Variants in MESD observed in about 807,000 individuals in gnomAD.
MESD encodes the protein LRP chaperone MESD.
Under a neutral mutation model 12.9 loss-of-function variants are expected in MESD, and 7 were observed. The observed-to-expected ratio is 0.54, with a 90% CI of 0.31 to 1.02. The LOEUF is 1.02. Among genes scored for constraint, MESD ranks in the 50% least tolerant of loss-of-function variants. The probability of loss-of-function intolerance (pLI) is 0.05; values close to 1 mark genes in which losing one functional copy is unlikely to be tolerated. For missense variants in MESD, 342 were observed against 296.7 expected, an observed-to-expected ratio of 1.15 and a Z score of -1.12; for synonymous variants, 126 against 115.6, an observed-to-expected ratio of 1.09 and a Z score of -0.58.
intron 1 of MESD, among the ~76,000 whole-genome samples, chr15:80,983,880 A>G (rs1463796749): frequency 6.6e-6 from 1 of 151,084 alleles, no homozygotes; most frequent in Non-Finnish European, 1.5e-5. Flanking sequence ...TAAATTACTA[A>G]TAGAAAACAG....
chr15:80,951,888 A>C (rs1901845950), intron 4 of MESD: 1 of 186,878 alleles, frequency 5.4e-6, no homozygotes, highest in South Asian at 1.0e-4. Flanking sequence ...AAGGCTGATG[A>C]AATCACCCCA....
downstream of MESD, among the ~76,000 whole-genome samples, chr15:80,970,989 A>C: frequency 6.6e-6 from 1 of 152,316 alleles, no homozygotes; most frequent in Non-Finnish European, 1.5e-5. Flanking sequence ...TTAGATATCA[A>C]GGGTAAGAAG....
intron 3 of MESD, among the ~76,000 whole-genome samples, chr15:80,953,871 G>A (rs1209189584): frequency 6.6e-6 from 1 of 152,166 alleles, no homozygotes; most frequent in Non-Finnish European, 1.5e-5. Context: ...GGAAGCAGGC[G>A]TTTGGGAGAA....
chr15:80,970,475 ACTC>A (rs1321320130), intron 3 of MESD: 5 of 152,000 alleles, frequency 3.3e-5, no homozygotes. Flanking sequence ...TAAACTATCT[ACTC>A]CTCCACTGCA....
intron 3 of MESD, among the ~76,000 whole-genome samples, chr15:80,964,774 C>G (rs1902146626): frequency 6.6e-6 from 1 of 152,116 alleles, no homozygotes; most frequent in Non-Finnish European, 1.5e-5. Flanking sequence ...GAAACTGGAC[C>G]CCTTCCTTAC....
chr15:80,952,534 A>G (rs1901867180), intron 3 of MESD, among the ~76,000 whole-genome samples: 1 of 152,156 alleles, frequency 6.6e-6, no homozygotes, highest in Non-Finnish European at 1.5e-5. Context: ...AAACATTTCC[A>G]TCACCACAGA....
intron 1 of MESD, among the ~76,000 whole-genome samples, chr15:80,986,623 T>A (rs1011454482): frequency 3.9e-5 from 6 of 152,204 alleles, no homozygotes; most frequent in African/African-American, 1.4e-4. Context: ...TAACCTAACC[T>A]GTTATGATCA....
intron 1 of MESD, among the ~76,000 whole-genome samples, chr15:80,983,151 G>T (rs550356865): frequency 6.6e-6 from 1 of 151,814 alleles, no homozygotes; most frequent in African/African-American, 2.4e-5. Flanking sequence ...GCTGAGACAC[G>T]AGGATCACTT....
At chr15:80,970,047 C>T (rs1410233833) in intron 3 of MESD, among the ~76,000 whole-genome samples, 1 of 151,986 alleles carries the variant, frequency 6.6e-6, no homozygotes, top group Non-Finnish European at 1.5e-5. Flanking sequence ...TAAGATAATC[C>T]CTTGGATTTC....
rs150523241 is a variant in MESD at position 80,985,338 on chromosome 15, T to TA, written c.214-3157dup. 2.0e-3 allele frequency among the ~76,000 whole-genome samples: 306 copies of TA among 152,208 alleles called. 1 individual carries two copies. Among genetic ancestry groups the TA allele is most frequent in the African/African-American group, 6.9e-3 (287 of 41,540 alleles). ...AGGTTTGTTTGGGGATGTAATGACT[T>TA]AAAGGCAAGCAGAACTCAGTACTGT... On this transcript the variant is annotated intron_variant, in intron 1 of 2. Transcript: ENST00000261758.
intron 1 of MESD, among the ~76,000 whole-genome samples, chr15:80,984,936 G>C (rs565325490): frequency 6.6e-6 from 1 of 152,196 alleles, no homozygotes; most frequent in African/African-American, 2.4e-5. Flanking sequence ...CCATACCGAC[G>C]TCAGACCTGG....
In MESD at chr15:80,978,426, G is replaced by A. The variant is rs1227145652; in HGVS notation, c.*793C>T. On this transcript the variant is annotated 3_prime_UTR_variant, in exon 3 of 3. Coordinates refer to ENST00000261758, the MANE Select transcript of MESD (RefSeq NM_015154.3). ...AAGAAAAATGTTTAGAAACAAATGA[G>A]GTTATTGAGTCGTCTGTCACACTCT... The A allele has an allele frequency of 6.6e-6, 1 of 152,130 alleles. No homozygotes were observed. Among genetic ancestry groups the A allele is most frequent in the Non-Finnish European group, 1.5e-5 (1 of 68,030 alleles). 9.4% of individuals were successfully genotyped at this position (152,130 alleles called of 1,614,324 possible).
intron 3 of MESD, among the ~76,000 whole-genome samples, chr15:80,967,681 C>A (rs572222638): frequency 6.6e-6 from 1 of 152,298 alleles, no homozygotes; most frequent in South Asian, 2.1e-4. Flanking sequence ...ACCAGATGTC[C>A]CTGGGCATTC....
chr15:80,961,000 T>C (rs1902075210), intron 3 of MESD, among the ~76,000 whole-genome samples: 1 of 152,128 alleles, frequency 6.6e-6, no homozygotes, highest in Admixed American at 6.6e-5. Flanking sequence ...GTTGACTGTA[T>C]CCCTCTAAGG....
At chr15:80,965,305 A>G (rs1354435566) in intron 3 of MESD, among the ~76,000 whole-genome samples, 1 of 152,250 alleles carries the variant, frequency 6.6e-6, no homozygotes, top group Non-Finnish European at 1.5e-5. Flanking sequence ...AGGAAACAAC[A>G]GATACTGGAG....
chr15:80,946,931 C>A, downstream of MESD: 1 of 1,468,706 alleles, frequency 6.8e-7, no homozygotes, highest in Non-Finnish European at 9.5e-7. Flanking sequence ...AGTTTGCTCT[C>A]TCCCTCTGGT....
chr15:80,966,444 C>T (rs776489471), intron 3 of MESD, among the ~76,000 whole-genome samples: 7 of 152,162 alleles, frequency 4.6e-5, no homozygotes, highest in Non-Finnish European at 7.3e-5. Context: ...TTTGCAGAGC[C>T]AGTGGCAGAG....
chr15:80,952,617 CGTGTGTGTGTGT>C (rs113669846), intron 3 of MESD, among the ~76,000 whole-genome samples: 1 of 149,210 alleles, frequency 6.7e-6, no homozygotes, highest in Admixed American at 6.7e-5. Context: ...AACTATGTCT[CGTGTGTGTGTGT>C]GTGTGTGTGT....
chr15:80,946,780 C>G, downstream of MESD: 2 of 627,022 alleles, frequency 3.2e-6, no homozygotes, highest in East Asian at 2.9e-5. Context: ...TCAGGATGTT[C>G]GTCACCACAT....
Sources: allele counts gnomAD v4.1 joint callset (sites outside exome capture counted in the v4.1 genomes callset), GRCh38; gene constraint gnomAD v4.1.1; transcripts MANE v1.5; gene names NCBI Gene and HGNC (gene_info 2026-07-23, HGNC 2026-07-21).